KCNQ5: variants seen among roughly 807,000 people sequenced by gnomAD.
KCNQ5 encodes potassium voltage-gated channel subfamily Q member 5, also known as potassium voltage-gated channel subfamily KQT member 5.
In KCNQ5, 30 loss-of-function variants were observed where a neutral mutation model predicts 98.2. The ratio of observed to expected loss-of-function variants is 0.31; its 90% confidence interval spans 0.23 to 0.41. KCNQ5 has a LOEUF of 0.41. Ranked by LOEUF, KCNQ5 falls within the 10% of genes least tolerant of loss-of-function variation. The pLI is 1.00. For synonymous variants in KCNQ5, 458 were observed against 449.4 expected (o/e 1.02, Z -0.24); for missense variants, 835 against 1,182.5 (o/e 0.71, Z 4.31).
intron 10 of KCNQ5, among the ~76,000 whole-genome samples, chr6:73,142,753 T>C (rs529320946): frequency 1.3e-5 from 2 of 152,056 alleles, no homozygotes; most frequent in South Asian, 4.2e-4. Flanking sequence ...CTGTCTCTAC[T>C]AAAAATACAA....
intron 3 of KCNQ5, among the ~76,000 whole-genome samples, chr6:73,070,049 C>A (rs1037563847): frequency 5.3e-5 from 8 of 151,926 alleles, no homozygotes; most frequent in African/African-American, 1.9e-4. Context: ...CAAAAGTAAA[C>A]CACTCAGTAG....
chr6:72,710,855 A>AT (rs972870272), intron 1 of KCNQ5, among the ~76,000 whole-genome samples: 3 of 152,166 alleles, frequency 2.0e-5, no homozygotes, highest in Non-Finnish European at 4.4e-5. Flanking sequence ...TAACAGACAT[A>AT]TACAGAACAT....
chr6:73,171,863 C>T (rs2150505789), intron 11 of KCNQ5, among the ~76,000 whole-genome samples: 1 of 152,324 alleles, frequency 6.6e-6, no homozygotes, highest in Non-Finnish European at 1.5e-5. Context: ...GATTAGGCTT[C>T]CTAAAAGTCA....
intron 3 of KCNQ5, among the ~76,000 whole-genome samples, chr6:73,064,899 G>A (rs1772978827): frequency 6.6e-6 from 1 of 152,058 alleles, no homozygotes; most frequent in Admixed American, 6.5e-5. Flanking sequence ...GGGGACAAAT[G>A]CTTCTTTCCT....
At chr6:73,029,390 A>C (rs1771032775) in intron 2 of KCNQ5, among the ~76,000 whole-genome samples, 1 of 152,094 alleles carries the variant, frequency 6.6e-6, no homozygotes, top group Non-Finnish European at 1.5e-5. Context: ...TCTAACTGCT[A>C]AATATTTGCC....
At chr6:72,652,510 G>T (rs751651086) in intron 1 of KCNQ5, among the ~76,000 whole-genome samples, 14 of 151,500 alleles carry the variant, frequency 9.2e-5, no homozygotes, top group South Asian at 2.1e-4. Context: ...GAATTGCTTG[G>T]TGGTAATTCC....
intron 1 of KCNQ5, among the ~76,000 whole-genome samples, chr6:72,973,860 T>G (rs1304199032): frequency 6.6e-6 from 1 of 152,242 alleles, no homozygotes; most frequent in Non-Finnish European, 1.5e-5. Context: ...TTATTTTTCC[T>G]TTGGTTATTT....
chr6:73,063,686 T>TAGATAGATAGATAGATGATAGATA (rs55995543), intron 3 of KCNQ5, among the ~76,000 whole-genome samples: 7 of 93,286 alleles, frequency 7.5e-5, no homozygotes, highest in South Asian at 4.6e-4. Context: ...GATAGATAGA[T>TAGATAGATAGATAGATGATAGATA]GATAGATAGA....
intron 1 of KCNQ5, among the ~76,000 whole-genome samples, chr6:72,932,683 C>T (rs1582040063): frequency 6.6e-6 from 1 of 152,106 alleles, no homozygotes; most frequent in East Asian, 1.9e-4. Context: ...ATTTTAAGAC[C>T]TACATAGCCT....
chr6:73,192,739 T>C, intron 13 of KCNQ5, 48 bp downstream of exon 13: 1 of 1,475,804 alleles, frequency 6.8e-7, no homozygotes, highest in African/African-American at 1.4e-5. Flanking sequence ...ATTTTTTTAA[T>C]CAAAATTTAT....
intron 1 of KCNQ5, among the ~76,000 whole-genome samples, chr6:72,954,464 A>G (rs1319667445): frequency 6.6e-6 from 1 of 152,188 alleles, no homozygotes; most frequent in Non-Finnish European, 1.5e-5. Context: ...TAATACAGCT[A>G]TACTTCTGTG....
intron 1 of KCNQ5, among the ~76,000 whole-genome samples, chr6:72,992,696 G>C (rs1455479862): frequency 1.2e-5 from 1 of 80,026 alleles, no homozygotes; most frequent in Non-Finnish European, 2.3e-5. Flanking sequence ...ATTTGATCCT[G>C]TCATTATGAT....
At chr6:73,032,180 G>C (rs1382247005) in intron 2 of KCNQ5, among the ~76,000 whole-genome samples, 1 of 152,114 alleles carries the variant, frequency 6.6e-6, no homozygotes, top group Non-Finnish European at 1.5e-5. Flanking sequence ...AGAAATACTT[G>C]TTTGTTTTAA....
At chr6:72,822,201 A>G (rs1442995399) in intron 1 of KCNQ5, among the ~76,000 whole-genome samples, 3 of 152,118 alleles carry the variant, frequency 2.0e-5, no homozygotes, top group African/African-American at 7.2e-5. Context: ...ACTGCCTAAG[A>G]ATGCAACTCC....
intron 1 of KCNQ5, among the ~76,000 whole-genome samples, chr6:72,772,691 G>T (rs1450199713): frequency 6.6e-6 from 1 of 152,150 alleles, no homozygotes; most frequent in Non-Finnish European, 1.5e-5. Context: ...GGGCTGTGCA[G>T]CATTCCTACT....
intron 1 of KCNQ5, among the ~76,000 whole-genome samples, chr6:72,852,642 T>TAAATAAATAA (rs1350545928): frequency 1.7e-5 from 2 of 119,194 alleles, no homozygotes; most frequent in Non-Finnish European, 3.5e-5. Flanking sequence ...GAAGGGGAAA[T>TAAATAAATAA]ATATATATAT....
chr6:72,690,433 C>A (rs1468728220), intron 1 of KCNQ5, among the ~76,000 whole-genome samples: 1 of 152,030 alleles, frequency 6.6e-6, no homozygotes, highest in African/African-American at 2.4e-5. Flanking sequence ...GCCTCATCTC[C>A]CTCACTGAAT....
At chr6:72,833,734 A>C (rs76934284) in intron 1 of KCNQ5, among the ~76,000 whole-genome samples, 4,734 of 152,242 alleles carry the variant, frequency 0.031, 98 homozygotes, top group African/African-American at 0.057. Context: ...AGAAAACAAC[A>C]AATATTTAAA....
At chr6:72,696,217 A>G (rs1321421304) in intron 1 of KCNQ5, among the ~76,000 whole-genome samples, 2 of 152,354 alleles carry the variant, frequency 1.3e-5, no homozygotes, top group Non-Finnish European at 2.9e-5. Context: ...AAGTAATTTA[A>G]GAGGCCCTCA....
Sources: gnomAD v4.1 joint callset for allele counts (sites outside exome capture counted in the v4.1 genomes callset) on GRCh38, gnomAD v4.1.1 for gene constraint, MANE v1.5 for transcripts, NCBI Gene and HGNC (gene_info 2026-07-23, HGNC 2026-07-21) for gene names.